MEIS1: variants seen among roughly 807,000 people sequenced by gnomAD.
The protein encoded by MEIS1 is Meis homeobox 1, also known as homeobox protein Meis1.
Under a neutral mutation model 50.8 loss-of-function variants are expected in MEIS1, and 5 were observed. The ratio of observed to expected loss-of-function variants is 0.10; its 90% CI spans 0.05 to 0.21. The LOEUF (loss-of-function observed/expected upper bound fraction) is 0.21. Ranked by LOEUF, MEIS1 falls within the 10% of genes least tolerant of loss-of-function variation. The pLI is 1.00. For missense variants in MEIS1, 318 were observed against 517.3 expected (o/e 0.61, Z 3.74); for synonymous variants, 176 against 179.3 (o/e 0.98, Z 0.15).
intron 6 of MEIS1, among the ~76,000 whole-genome samples, chr2:66,455,516 A>G (rs1398836675): frequency 6.6e-6 from 1 of 152,172 alleles, no homozygotes; most frequent in Non-Finnish European, 1.5e-5. Flanking sequence ...TAGTTGATTC[A>G]CTTGTAATTT....
intron 7 of MEIS1, among the ~76,000 whole-genome samples, chr2:66,467,887 G>A (rs1672677574): frequency 6.6e-6 from 1 of 152,088 alleles, no homozygotes; most frequent in South Asian, 2.1e-4. Flanking sequence ...TGTTTGGTTG[G>A]GGATTCTGTT....
At chr2:66,533,034 T>C (rs1674432085) in intron 8 of MEIS1, among the ~76,000 whole-genome samples, 1 of 152,236 alleles carries the variant, frequency 6.6e-6, no homozygotes, top group Non-Finnish European at 1.5e-5. Context: ...AATTTCCGAA[T>C]ACTTTATTTC....
intron 8 of MEIS1, among the ~76,000 whole-genome samples, chr2:66,513,567 A>G (rs1673885022): frequency 6.6e-6 from 1 of 152,016 alleles, no homozygotes; most frequent in Non-Finnish European, 1.5e-5. Context: ...TCAGTGAATA[A>G]GATAAAAGCT....
chr2:66,505,665 G>GA (rs1221912764), intron 7 of MEIS1, among the ~76,000 whole-genome samples: 2 of 152,072 alleles, frequency 1.3e-5, no homozygotes, highest in African/African-American at 2.4e-5. Context: ...AATTCACTGG[G>GA]AAAAAATGCA....
At chr2:66,487,534 C>T (rs895164353) in intron 7 of MEIS1, among the ~76,000 whole-genome samples, 2 of 152,174 alleles carry the variant, frequency 1.3e-5, no homozygotes, top group Non-Finnish European at 2.9e-5. Flanking sequence ...GAAACATTTG[C>T]ATTCAGAATA....
chr2:66,573,253 G>A lies in MEIS1; in HGVS notation c.*2045G>A, dbSNP rs769926868. 4 of 152,050 alleles carry A rather than the reference G, an allele frequency of 2.6e-5. No individual in the cohort carries two copies. Among genetic ancestry groups the A allele is most frequent in the Non-Finnish European group, 4.4e-5 (3 of 68,008 alleles). 9.4% of individuals were successfully genotyped at this position (152,050 alleles called of 1,614,324 possible). A position where few individuals can be genotyped will look rare whatever the true frequency, so the allele number is the denominator to read the frequency against. On this transcript the variant is annotated 3_prime_UTR_variant, in exon 13 of 13. Transcript: ENST00000272369. Reference sequence around the variant, plus strand: ...TGTACAAGATTTCTGCATGGCAGCCGGCTAAATGGTAGAAAATAATATGTT... The same window carrying A: ...TGTACAAGATTTCTGCATGGCAGCCAGCTAAATGGTAGAAAATAATATGTT...
chr2:66,493,345 T>C (rs559822441), intron 7 of MEIS1, among the ~76,000 whole-genome samples: 8 of 152,198 alleles, frequency 5.3e-5, no homozygotes, highest in Non-Finnish European at 7.3e-5. Context: ...TCTATAGTTA[T>C]TTACCCTCTC....
At chr2:66,568,515 T>TCC in intron 10 of MEIS1, 152 bp from the exon 11 acceptor site, 2 of 472,924 alleles carry the variant, frequency 4.2e-6, no homozygotes, top group Admixed American at 3.6e-5. Flanking sequence ...AGATCTAGTC[T>TCC]GAGAGAAATT....
At chr2:66,562,072 C>CTTTTTTTTTTTTTTTTTTTTTTTTT (rs749406692) in intron 9 of MEIS1, 118 of 62,072 alleles carry the variant, frequency 1.9e-3, no homozygotes, top group East Asian at 6.5e-3. Flanking sequence ...TTTTTTTTTA[C>CTTTTTTTTTTTTTTTTTTTTTTTTT]TTTTATCAGT....
At chr2:66,557,098 T>G (rs1323619256) in intron 9 of MEIS1, among the ~76,000 whole-genome samples, 1 of 152,140 alleles carries the variant, frequency 6.6e-6, no homozygotes, top group Non-Finnish European at 1.5e-5. Context: ...AAAGGGAGCA[T>G]GGATTAAAAT....
intron 12 of MEIS1, 103 bp from the exon 13 acceptor site, chr2:66,571,143 A>C: frequency 8.6e-7 from 1 of 1,158,268 alleles, no homozygotes; most frequent in Non-Finnish European, 1.2e-6. Context: ...TGTTCCCTTA[A>C]TCACAGGGTT....
intron 7 of MEIS1, among the ~76,000 whole-genome samples, chr2:66,491,625 T>C (rs925364078): frequency 2.0e-5 from 3 of 152,176 alleles, no homozygotes; most frequent in African/African-American, 7.2e-5. Context: ...GTGGGTCTGT[T>C]TTGCATTTAA....
At chr2:66,507,953 G>A (rs567470522) in intron 7 of MEIS1, among the ~76,000 whole-genome samples, 41 of 152,358 alleles carry the variant, frequency 2.7e-4, no homozygotes, top group Non-Finnish European at 4.7e-4. Flanking sequence ...GAAATTGTCC[G>A]TAGACGAATT....
chr2:66,437,705 T>G, intron 1 of MEIS1, 32 bp from the exon 2 acceptor site: 1 of 1,608,604 alleles, frequency 6.2e-7, no homozygotes. Context: ...CCTGGCCTCC[T>G]GAACCTTCTT....
intron 7 of MEIS1, among the ~76,000 whole-genome samples, 177 bp from the exon 8 acceptor site, chr2:66,511,972 G>T (rs576798773): frequency 4.6e-5 from 7 of 152,150 alleles, no homozygotes; most frequent in Non-Finnish European, 1.0e-4. Flanking sequence ...CTGCTCTTGA[G>T]CCTAGGCCTT....
intron 7 of MEIS1, among the ~76,000 whole-genome samples, chr2:66,477,976 C>A (rs1672933753): frequency 6.6e-6 from 1 of 152,136 alleles, no homozygotes; most frequent in African/African-American, 2.4e-5. Context: ...ATGAAGGATA[C>A]CTTTTTACAC....
chr2:66,444,528 G>A (rs927369760), intron 6 of MEIS1, among the ~76,000 whole-genome samples: 2 of 152,340 alleles, frequency 1.3e-5, no homozygotes, highest in Admixed American at 6.5e-5. Context: ...CCAATGCGCC[G>A]GGTCCGCACT....
intron 8 of MEIS1, among the ~76,000 whole-genome samples, chr2:66,541,978 A>C (rs1674663905): frequency 6.6e-6 from 1 of 152,186 alleles, no homozygotes; most frequent in African/African-American, 2.4e-5. Flanking sequence ...AGCATTATGG[A>C]TTTTTTTAAA....
Position 66,435,568 on chromosome 2 carries a change from T to C in MEIS1, c.-289T>C. The C allele has an allele frequency of 2.5e-6, 1 of 400,846 alleles. No homozygotes were observed. Among genetic ancestry groups the C allele is most frequent in the Admixed American group, 4.4e-5 (1 of 22,756 alleles). The allele number at this position is 400,846 out of a possible 1,614,324, so 24.8% of individuals were successfully genotyped here. ...TTTCTTTCTTTCTTTCTTTTTTTTT[T>C]TTTAAACTGATTTTTGGGGGAGAGA... is the stretch of plus-strand genomic sequence containing the variant. On this transcript the variant is annotated 5_prime_UTR_variant, in exon 1 of 13. Coordinates refer to ENST00000272369, the MANE Select transcript of MEIS1 (RefSeq NM_002398.3).
Sources: gnomAD v4.1 joint callset for allele counts (sites outside exome capture counted in the v4.1 genomes callset) on GRCh38, gnomAD v4.1.1 for gene constraint, MANE v1.5 for transcripts, NCBI Gene and HGNC (gene_info 2026-07-23, HGNC 2026-07-21) for gene names.